The following CDH1 variants were observed in gnomAD, a reference collection of about 807,000 sequenced individuals.
CDH1 encodes the protein cadherin-1.
A neutral mutation model predicts 84.5 loss-of-function variants in CDH1; 35 were observed. The observed-to-expected ratio is 0.41, with a 90% confidence interval of 0.32 to 0.55. CDH1 has a LOEUF of 0.55. Among genes scored for constraint, CDH1 ranks in the 20% least tolerant of loss-of-function variants. CDH1 has a pLI of 0.19. For synonymous variants in CDH1, 417 were observed against 439.0 expected, an observed-to-expected ratio of 0.95 and a Z score of 0.63; for missense variants, 994 against 1,126.6, an observed-to-expected ratio of 0.88 and a Z score of 1.68.
At chr16:68,812,890 A>AT (rs1025420237) in intron 8 of CDH1, among the ~76,000 whole-genome samples, 8 of 152,138 alleles carry the variant, frequency 5.3e-5, no homozygotes, top group African/African-American at 1.7e-4. Context: ...AAATACAAAA[A>AT]TTAGCTGGGC....
chr16:68,769,715 T>C (rs1959497144), intron 2 of CDH1, among the ~76,000 whole-genome samples: 1 of 151,100 alleles, frequency 6.6e-6, no homozygotes. Flanking sequence ...ATCGCCGGAG[T>C]CCAGGAGTTC....
chr16:68,832,260 C>A (rs1239687623), intron 15 of CDH1, among the ~76,000 whole-genome samples: 1 of 151,914 alleles, frequency 6.6e-6, no homozygotes, highest in Non-Finnish European at 1.5e-5. Context: ...ATATAACAAA[C>A]CTTCACATGT....
rs140767533 is a variant in CDH1, at chr16:68,767,008, T to C, written c.163+28597T>C. On this transcript the variant is annotated intron_variant, in intron 2 of 15. Coordinates refer to ENST00000261769, the MANE Select transcript of CDH1 (RefSeq NM_004360.5). ...TCCCAAATTGCTGGGATTACAGGTGTGAGCCACTGCGCCCCGCCTAGACCC... is the reference window on the plus strand; with the variant it reads ...TCCCAAATTGCTGGGATTACAGGTGCGAGCCACTGCGCCCCGCCTAGACCC... Among the ~76,000 whole-genome samples the C allele has an allele frequency of 5.4e-3, 822 of 152,162 alleles. 2 individuals carry two copies. Among genetic ancestry groups the C allele is most frequent in the Non-Finnish European group, 9.0e-3 (612 of 68,016 alleles).
intron 11 of CDH1, among the ~76,000 whole-genome samples, chr16:68,821,222 C>T (rs1961133844): frequency 6.6e-6 from 1 of 152,028 alleles, no homozygotes; most frequent in Non-Finnish European, 1.5e-5. Context: ...CCTATAATCC[C>T]AACACTTTCA....
intron 2 of CDH1, among the ~76,000 whole-genome samples, chr16:68,740,368 T>C (rs904426885): frequency 3.3e-5 from 5 of 152,206 alleles, no homozygotes; most frequent in Non-Finnish European, 7.3e-5. Flanking sequence ...CTGTGTGCTC[T>C]AGAGCTTTCT....
chr16:68,745,009 T>C (rs896792313), intron 2 of CDH1, among the ~76,000 whole-genome samples: 1 of 152,156 alleles, frequency 6.6e-6, no homozygotes, highest in Non-Finnish European at 1.5e-5. Context: ...GGCGTTTTTT[T>C]GCTTGCCACT....
At chr16:68,754,506 T>A (rs2152117996) in intron 2 of CDH1, among the ~76,000 whole-genome samples, 1 of 152,338 alleles carries the variant, frequency 6.6e-6, no homozygotes, top group South Asian at 2.1e-4. Flanking sequence ...ACTCTTCCCG[T>A]ATGCCATCTC....
At chr16:68,831,553 T>G (rs916806449) in intron 15 of CDH1, among the ~76,000 whole-genome samples, 22 of 151,882 alleles carry the variant, frequency 1.4e-4, no homozygotes, top group African/African-American at 4.8e-4. Flanking sequence ...TTTATTTTCA[T>G]TTTTTGAGAC....
At chr16:68,823,732 T>A in intron 13 of CDH1, 106 bp downstream of exon 13, 1 of 767,412 alleles carries the variant, frequency 1.3e-6, no homozygotes. Context: ...ATAGGTTAGC[T>A]GATGTGGGAA....
intron 2 of CDH1, among the ~76,000 whole-genome samples, chr16:68,753,074 G>A (rs1460855979): frequency 6.6e-6 from 1 of 151,910 alleles, no homozygotes; most frequent in East Asian, 2.0e-4. Context: ...CCGGCCAGGC[G>A]TGGTGGCTCA....
chr16:68,812,333 C>G (rs2152132822), intron 8 of CDH1, 70 bp downstream of exon 8: 1 of 1,518,226 alleles, frequency 6.6e-7, no homozygotes, highest in South Asian at 1.1e-5. Context: ...AGTGTCACCA[C>G]TGCTCATGGG....
At chr16:68,790,070 A>G (rs933509113) in intron 2 of CDH1, among the ~76,000 whole-genome samples, 1 of 152,192 alleles carries the variant, frequency 6.6e-6, no homozygotes, top group African/African-American at 2.4e-5. Context: ...AACAAAAACA[A>G]AAACAAAAAA....
rs61747635 is a variant in CDH1 at position 68,823,553 on chromosome 16, G to A, written c.2091G>A (p.Lys697=). ...AAGGGGCCGCTGGCGTCTGTAGGAA[G>A]GCACAGCCTGTCGAAGCAGGATTGC... ...DCEGAAGVCR[K]AQPVEAGLQI... The change falls in exon 13 of 16, where the codon AAG becomes AAA. Residue 697 remains lysine, a synonymous_variant. Coordinates refer to ENST00000261769, the MANE Select transcript of CDH1 (RefSeq NM_004360.5). 1.2e-5 allele frequency: 19 copies of A among 1,613,948 alleles called. No homozygotes were observed. The highest frequency in any genetic ancestry group is 1.6e-5 in the Non-Finnish European group (19 of 1,180,028).
At chr16:68,813,792 C>T (rs1422914044) in intron 9 of CDH1, among the ~76,000 whole-genome samples, 1 of 152,034 alleles carries the variant, frequency 6.6e-6, no homozygotes, top group Non-Finnish European at 1.5e-5. Context: ...ATTAGCCAGG[C>T]ATGGTGGCAC....
intron 11 of CDH1, among the ~76,000 whole-genome samples, chr16:68,820,352 A>AT (rs1323169351): frequency 0.015 from 2,136 of 138,764 alleles, 39 homozygotes; most frequent in African/African-American, 0.043. Context: ...TTGCTGTTTA[A>AT]TTTTTTTTTT....
chr16:68,827,972 AC>A (rs1326606460), intron 13 of CDH1, among the ~76,000 whole-genome samples: 1 of 152,048 alleles, frequency 6.6e-6, no homozygotes, highest in Non-Finnish European at 1.5e-5. Context: ...TTCACATATC[AC>A]TGTCTACTAT....
At chr16:68,758,797 C>T (rs151190248) in intron 2 of CDH1, among the ~76,000 whole-genome samples, 1 of 147,642 alleles carries the variant, frequency 6.8e-6, no homozygotes, top group Non-Finnish European at 1.5e-5. Flanking sequence ...ACCCAACATC[C>T]ATTTGAGTGC....
chr16:68,791,775 T>G (rs1368434745), intron 2 of CDH1, among the ~76,000 whole-genome samples: 1 of 152,090 alleles, frequency 6.6e-6, no homozygotes, highest in Non-Finnish European at 1.5e-5. Flanking sequence ...CCCCATGAGG[T>G]CAGGGACTTT....
chr16:68,808,087 G>A (rs1022060955), intron 3 of CDH1, among the ~76,000 whole-genome samples: 1 of 152,222 alleles, frequency 6.6e-6, no homozygotes, highest in African/African-American at 2.4e-5. Flanking sequence ...AAATAAAAAT[G>A]AGATTATGTA....
Sources: allele counts gnomAD v4.1 joint callset (sites outside exome capture counted in the v4.1 genomes callset), GRCh38; gene constraint gnomAD v4.1.1; transcripts MANE v1.5; gene names NCBI Gene and HGNC (gene_info 2026-07-23, HGNC 2026-07-21).